The following SRF variants were observed in gnomAD, a reference collection of about 807,000 sequenced individuals.
SRF encodes the protein c-fos serum response element-binding transcription factor.
In SRF, 7 loss-of-function variants were observed where a neutral mutation model predicts 37.1. That is an observed-to-expected ratio of 0.19 (90% confidence interval 0.11 to 0.35). SRF has a LOEUF of 0.35. Among genes scored for constraint, SRF ranks in the 10% least tolerant of loss-of-function variants. SRF has a pLI of 1.00. For missense variants in SRF, 395 were observed against 694.4 expected, an observed-to-expected ratio of 0.57 and a Z score of 4.85; for synonymous variants, 285 against 310.1, an observed-to-expected ratio of 0.92 and a Z score of 0.85.
chr6:43,173,820 C>T lies in SRF; in HGVS notation c.514-27C>T. On this transcript the variant is annotated intron_variant, in intron 1 of 6. Transcript: ENST00000265354. This position sits in a 1 kb window ranked among gnomAD's most constrained non-coding sequence, Gnocchi z 4.2. ...AGGTAGAGATAAAAAGTTTGCTGAC[C>T]TGCCCATCTCCCTCCTCACCCCTCA... is the stretch of plus-strand genomic sequence containing the variant. 2 of 1,600,792 alleles carry T rather than the reference C, an allele frequency of 1.2e-6. No homozygotes were observed. Among genetic ancestry groups the T allele is most frequent in the African/African-American group, 1.3e-5 (1 of 74,608 alleles).
Position 43,171,994 on chromosome 6 carries a change from G to C in SRF, c.338G>C (p.Gly113Ala). 6.4e-7 allele frequency: 1 copy of C among 1,566,258 alleles called. No homozygotes were observed. The change falls in exon 1 of 7, where the codon GGG becomes GCG. Residue 113 changes from glycine (G) to alanine (A), a missense_variant. Physicochemically the swap from Gly to Ala is moderately conservative, Grantham distance 60. Transcript: ENST00000265354. This position sits in a 1 kb window ranked among gnomAD's most constrained non-coding sequence, Gnocchi z 6.5. ...SEMEIGMVVG[G>A]PEASAAATGG... The stretch of plus-strand genomic sequence containing the variant: ...ATGGAGATCGGTATGGTGGTCGGTG[G>C]GCCCGAGGCGTCGGCAGCGGCCACC...
In SRF at chr6:43,179,499, T is replaced by C. The variant is rs1172740982; in HGVS notation, c.*309T>C. 1.0e-5 allele frequency: 4 copies of C among 395,010 alleles called. No individual in the cohort carries two copies. Among genetic ancestry groups the C allele is most frequent in the Non-Finnish European group, 1.9e-5 (4 of 208,162 alleles). The allele number at this position is 395,010 out of a possible 1,614,324, so 24.5% of individuals were successfully genotyped here. On this transcript the variant is annotated 3_prime_UTR_variant, in exon 7 of 7. Transcript: ENST00000265354. The surrounding 1 kb of genome is among the most constrained non-coding windows in gnomAD (Gnocchi z 5.3). Reference sequence around the variant, plus strand: ...TTGCCATGAGTATTAGCTTACCCAATGGGACCGTGCCCCACCTCCCCACAC... The same window carrying C: ...TTGCCATGAGTATTAGCTTACCCAACGGGACCGTGCCCCACCTCCCCACAC...
chr6:43,179,025 C>A lies in SRF; in HGVS notation c.1432-70C>A. 1 of 1,587,194 alleles carries A rather than the reference C, an allele frequency of 6.3e-7. No individual in the cohort carries two copies. The highest frequency in any genetic ancestry group is 2.2e-5 in the East Asian group (1 of 44,728). The stretch of plus-strand genomic sequence containing the variant: ...TCTGCTCAGGCCTGTGGTTGGCAGG[C>A]AGGGAAGCCAGGGGAGCCTGAACTG... On this transcript the variant is annotated intron_variant, in intron 6 of 6. Transcript: ENST00000265354. This position sits in a 1 kb window ranked among gnomAD's most constrained non-coding sequence, Gnocchi z 5.3.
rs1772130800 is a variant in SRF, at chr6:43,172,666, G to A, written c.513+497G>A. 6.6e-6 allele frequency among the ~76,000 whole-genome samples: 1 copy of A among 152,178 alleles called. No homozygotes were observed. Among genetic ancestry groups the A allele is most frequent in the South Asian group, 2.1e-4 (1 of 4,822 alleles). On this transcript the variant is annotated intron_variant, in intron 1 of 6. Transcript: ENST00000265354. This position sits in a 1 kb window ranked among gnomAD's most constrained non-coding sequence, Gnocchi z 5.7. ...GGGCACCACGAGAGTAGTGCTGGTT[G>A]GAAGGACAGGCAGGGTTAGGGACCA...
chr6:43,176,524 C>A lies in SRF; in HGVS notation c.1043-24C>A. On this transcript the variant is annotated intron_variant, in intron 3 of 6. Coordinates refer to ENST00000265354, the MANE Select transcript of SRF (RefSeq NM_003131.4). This position sits in a 1 kb window ranked among gnomAD's most constrained non-coding sequence, Gnocchi z 4.0. The stretch of plus-strand genomic sequence containing the variant: ...GGTGGCAATTGGGTGGGACAGAGCA[C>A]AAATAAGACTCTGTGTCTTGCAGGT... 6.2e-7 allele frequency: 1 copy of A among 1,613,620 alleles called. No homozygotes were observed. The highest frequency in any genetic ancestry group is 8.5e-7 in the Non-Finnish European group (1 of 1,179,730).
Position 43,179,469 on chromosome 6 carries a change from G to C in SRF, c.*279G>C, listed in dbSNP as rs73736723. 1.4e-5 allele frequency: 7 copies of C among 492,840 alleles called. No homozygotes were observed. The highest frequency in any genetic ancestry group is 2.6e-5 in the Non-Finnish European group (7 of 267,862). The allele number at this position is 492,840 out of a possible 1,614,324, so 30.5% of individuals were successfully genotyped here. On this transcript the variant is annotated 3_prime_UTR_variant, in exon 7 of 7. Transcript: ENST00000265354. This position sits in a 1 kb window ranked among gnomAD's most constrained non-coding sequence, Gnocchi z 5.3. Reference sequence around the variant, plus strand: ...TGGGACCCCCTCGCCAGCTTGGCTCGATGTTTGCCATGAGTATTAGCTTAC... The same window carrying C: ...TGGGACCCCCTCGCCAGCTTGGCTCCATGTTTGCCATGAGTATTAGCTTAC...
At position 43,180,614 on chromosome 6, in the gene SRF, C is replaced by A. The variant is rs1480588062; in HGVS notation, c.*1424C>A. On this transcript the variant is annotated 3_prime_UTR_variant, in exon 7 of 7. Transcript: ENST00000265354. The stretch of plus-strand genomic sequence containing the variant: ...TTGTACAGGGGCCATGCCCCACCCC[C>A]CTCCTCCCCCTTTGGGGTAGACCTT... 6.5e-6 allele frequency: 1 copy of A among 152,718 alleles called. No homozygotes were observed. The highest frequency in any genetic ancestry group is 2.1e-4 in the South Asian group (1 of 4,832). 9.5% of individuals were successfully genotyped at this position (152,718 alleles called of 1,614,324 possible).
chr6:43,177,005 C>A lies in SRF; in HGVS notation c.1162+338C>A, dbSNP rs146365693. Among the ~76,000 whole-genome samples, 60 of 152,206 alleles carry A rather than the reference C, an allele frequency of 3.9e-4. No homozygotes were observed. In the Middle Eastern group the frequency reaches 0.017, roughly 43 times the overall value. The stretch of plus-strand genomic sequence containing the variant: ...CTTAGAGAGCAATTTTCTCTTTGTG[C>A]GAGGGTCTTACAGGTTTTGAGTAGC... On this transcript the variant is annotated intron_variant, in intron 4 of 6. Coordinates refer to ENST00000265354, the MANE Select transcript of SRF (RefSeq NM_003131.4).
In SRF at chr6:43,178,395, G is replaced by A. The variant is rs143195021; in HGVS notation, c.1264G>A (p.Gly422Ser). 13 of 1,613,856 alleles carry A rather than the reference G, an allele frequency of 8.1e-6. No homozygotes were observed. In the African/African-American group the frequency reaches 1.6e-4, roughly 20 times the overall value. Residue 422 changes from glycine to serine, a missense_variant, in exon 5 of 7, where the codon GGC becomes AGC. Transcript: ENST00000265354. This position sits in a 1 kb window ranked among gnomAD's most constrained non-coding sequence, Gnocchi z 4.3. ...PHAVMYAPTS[G>S]LGDGSLTVLN... ...TGCGGTGATGTATGCCCCCACCTCG[G>A]GCCTGGGTGATGGCAGCCTCACCGT... is the stretch of plus-strand genomic sequence containing the variant.
rs377168498 is a variant in SRF, at chr6:43,176,372, C to T, written c.1043-176C>T. The stretch of plus-strand genomic sequence containing the variant: ...GGAGGAGGGATGGGCAAGAGTAGAG[C>T]GTGGAAGCCCCCAGAGTGGATACTT... On this transcript the variant is annotated intron_variant, in intron 3 of 6. Coordinates refer to ENST00000265354, the MANE Select transcript of SRF (RefSeq NM_003131.4). The surrounding 1 kb of genome is among the most constrained non-coding windows in gnomAD (Gnocchi z 4.0). Among the ~76,000 whole-genome samples the T allele has an allele frequency of 8.5e-4, 129 of 152,238 alleles. No homozygotes were observed. Among genetic ancestry groups the T allele is most frequent in the African/African-American group, 3.0e-3 (123 of 41,528 alleles).
chr6:43,175,186 A>T (rs1017168300), intron 2 of SRF, among the ~76,000 whole-genome samples: 1 of 152,286 alleles, frequency 6.6e-6, no homozygotes, highest in African/African-American at 2.4e-5. Flanking sequence ...GAACTCTTTG[A>T]AAGAAAACGT....
At position 43,172,713 on chromosome 6, in the gene SRF, A is replaced by C. The variant is rs528954571; in HGVS notation, c.513+544A>C. On this transcript the variant is annotated intron_variant, in intron 1 of 6. Transcript: ENST00000265354. The surrounding 1 kb of genome is among the most constrained non-coding windows in gnomAD (Gnocchi z 5.7). ...ACCAGGTAAGGGAGCGGGGCAGGAG[A>C]ACTGGTGCTGCCCTGAGCAGCAGGA... Among the ~76,000 whole-genome samples the C allele has an allele frequency of 7.9e-5, 12 of 152,164 alleles. No individual in the cohort carries two copies. In the South Asian group the frequency reaches 2.3e-3, roughly 29 times the overall value.
In SRF at chr6:43,171,321, C is replaced by T; in HGVS notation, c.-336C>T. Reference sequence around the variant, plus strand: ...AAGGGTCGGGGGATCCCTCCGCCGCCAGCGCGTGGTCCCGGCCCCCTCCAC... The same window carrying T: ...AAGGGTCGGGGGATCCCTCCGCCGCTAGCGCGTGGTCCCGGCCCCCTCCAC... On this transcript the variant is annotated 5_prime_UTR_variant, in exon 1 of 7. An upstream open reading frame in the 5' UTR gains an earlier in-frame stop. Coordinates refer to ENST00000265354, the MANE Select transcript of SRF (RefSeq NM_003131.4). The surrounding 1 kb of genome is among the most constrained non-coding windows in gnomAD (Gnocchi z 6.5). The T allele has an allele frequency of 5.7e-6, 1 of 174,546 alleles. No homozygotes were observed. The highest frequency in any genetic ancestry group is 1.2e-5 in the Non-Finnish European group (1 of 82,884). The allele number at this position is 174,546 out of a possible 1,614,324, so 10.8% of individuals were successfully genotyped here.
At position 43,173,731 on chromosome 6, in the gene SRF, G is replaced by A. The variant is rs559870040; in HGVS notation, c.514-116G>A. On this transcript the variant is annotated intron_variant, in intron 1 of 6. Transcript: ENST00000265354. The surrounding 1 kb of genome is among the most constrained non-coding windows in gnomAD (Gnocchi z 4.2). ...CCCTGCCCTCAGAGTCATTAGAGAC[G>A]AAGGTCATTATGGGAATGGGGGAAT... 229 of 1,376,202 alleles carry A rather than the reference G, an allele frequency of 1.7e-4. 3 individuals are homozygous for A. In the South Asian group the frequency reaches 3.0e-3, roughly 18 times the overall value. The allele number at this position is 1,376,202 out of a possible 1,614,324, so 85.2% of individuals were successfully genotyped here.
rs1261301524 is a variant in SRF, at chr6:43,172,484, C to T, written c.513+315C>T. On this transcript the variant is annotated intron_variant, in intron 1 of 6. Transcript: ENST00000265354. This position sits in a 1 kb window ranked among gnomAD's most constrained non-coding sequence, Gnocchi z 5.7. ...GCGGTGATGGGAGGCTACGAGGCTG[C>T]CGGGGAGGTGGATAATGAGAACCCG... 2.0e-6 allele frequency: 2 copies of T among 984,184 alleles called. No individual in the cohort carries two copies. The highest frequency in any genetic ancestry group is 2.4e-6 in the Non-Finnish European group (2 of 828,976). The allele number at this position is 984,184 out of a possible 1,614,324, so 61.0% of individuals were successfully genotyped here. A position where few individuals can be genotyped will look rare whatever the true frequency, so the allele number is the denominator to read the frequency against.
At position 43,178,188 on chromosome 6, in the gene SRF, A is replaced by G; in HGVS notation, c.1163-106A>G. On this transcript the variant is annotated intron_variant, in intron 4 of 6. Transcript: ENST00000265354. The surrounding 1 kb of genome is among the most constrained non-coding windows in gnomAD (Gnocchi z 4.3). ...GAGGAATAGTCGTGTCTAGCTTCTGACCTGGGAAATGGCAAGAGGGCTCTG... is the reference window on the plus strand; with the variant it reads ...GAGGAATAGTCGTGTCTAGCTTCTGGCCTGGGAAATGGCAAGAGGGCTCTG... 3.3e-6 allele frequency: 4 copies of G among 1,199,488 alleles called. No homozygotes were observed. The South Asian group carries it at 5.0e-5, about 15-fold the overall frequency. 74.3% of individuals were successfully genotyped at this position (1,199,488 alleles called of 1,614,324 possible).
In SRF at chr6:43,177,226, C is replaced by CTGTTTTTTTTTT. The variant is rs1346577986; in HGVS notation, c.1162+561_1162+572dup. Reference sequence around the variant, plus strand: ...CACCCCAAACCTAGTGAATCGGAGTCTGTTTTTTTTTTTTTTTTTGAGACG... The same window carrying CTGTTTTTTTTTT: ...CACCCCAAACCTAGTGAATCGGAGTCTGTTTTTTTTTTTGTTTTTTTTTTTTTTTTTGAGACG... On this transcript the variant is annotated intron_variant, in intron 4 of 6. Transcript: ENST00000265354. Among the ~76,000 whole-genome samples, 174 of 109,346 alleles carry CTGTTTTTTTTTT rather than the reference C, an allele frequency of 1.6e-3. 9 individuals carry two copies. The highest frequency in any genetic ancestry group is 8.6e-3 in the African/African-American group (161 of 18,678). 71.7% of individuals were successfully genotyped at this position (109,346 alleles called of 152,430 possible).
Position 43,171,382 on chromosome 6 carries a change from C to T in SRF, c.-275C>T, listed in dbSNP as rs1053143217. The T allele has an allele frequency of 5.5e-5, 12 of 219,742 alleles. No homozygotes were observed. In the East Asian group the frequency reaches 1.1e-3, roughly 21 times the overall value. The allele number at this position is 219,742 out of a possible 1,614,324, so 13.6% of individuals were successfully genotyped here. A position where few individuals can be genotyped will look rare whatever the true frequency, so the allele number is the denominator to read the frequency against. On this transcript the variant is annotated 5_prime_UTR_variant, in exon 1 of 7. Transcript: ENST00000265354. This position sits in a 1 kb window ranked among gnomAD's most constrained non-coding sequence, Gnocchi z 6.5. ...GGCCGCGGCCAGCAGCCCCTGCCCC[C>T]CGGGGGACGCTGACGGCCGCCCGGC...
In SRF at chr6:43,172,384, G is replaced by C. The variant is rs1039357400; in HGVS notation, c.513+215G>C. On this transcript the variant is annotated intron_variant, in intron 1 of 6. Coordinates refer to ENST00000265354, the MANE Select transcript of SRF (RefSeq NM_003131.4). The surrounding 1 kb of genome is among the most constrained non-coding windows in gnomAD (Gnocchi z 5.7). The stretch of plus-strand genomic sequence containing the variant: ...GGAGATCCCGCGAACGCTCGCAACC[G>C]TGGGGAAAGGCGCAGAGGTGGGAGT... 1 of 985,398 alleles carries C rather than the reference G, an allele frequency of 1.0e-6. No homozygotes were observed. Among genetic ancestry groups the C allele is most frequent in the Non-Finnish European group, 1.2e-6 (1 of 829,912 alleles). The allele number at this position is 985,398 out of a possible 1,614,324, so 61.0% of individuals were successfully genotyped here.
Sources: gnomAD v4.1 joint callset for allele counts (sites outside exome capture counted in the v4.1 genomes callset) on GRCh38, gnomAD v4.1.1 for gene constraint, Gnocchi (gnomAD v3.1) non-coding constraint, MANE v1.5 for transcripts, NCBI Gene and HGNC (gene_info 2026-07-23, HGNC 2026-07-21) for gene names.